CDH7: variants seen among roughly 807,000 people sequenced by gnomAD.
The protein encoded by CDH7 is cadherin 7.
A neutral mutation model predicts 71.8 loss-of-function variants in CDH7; 25 were observed. That is an observed-to-expected ratio of 0.35 (90% CI 0.25 to 0.49). The LOEUF is 0.49. CDH7 is among the 20% of genes least tolerant of loss of function. CDH7 has a pLI of 0.99. For missense variants in CDH7, 862 were observed against 974.6 expected, an observed-to-expected ratio of 0.88 and a Z score of 1.54; for synonymous variants, 381 against 363.8, an observed-to-expected ratio of 1.05 and a Z score of -0.54.
At chr18:65,768,392 A>C (rs1243323412) in intron 2 of CDH7, among the ~76,000 whole-genome samples, 1 of 151,812 alleles carries the variant, frequency 6.6e-6, no homozygotes, top group Non-Finnish European at 1.5e-5. Context: ...GTACCACCAT[A>C]CTTGGATGGT....
intron 11 of CDH7, chr18:65,865,336 A>G (rs1265840423): frequency 6.6e-6 from 1 of 152,150 alleles, no homozygotes; most frequent in Non-Finnish European, 1.5e-5. Context: ...GTCTGTGCAT[A>G]AAAGTTTGGG....
At chr18:65,797,363 T>C (rs2143872774) in intron 2 of CDH7, among the ~76,000 whole-genome samples, 1 of 152,328 alleles carries the variant, frequency 6.6e-6, no homozygotes, top group Non-Finnish European at 1.5e-5. Flanking sequence ...ATTACATTTC[T>C]TTATGAAAAT....
chr18:65,866,619 G>T (rs1030074007), intron 11 of CDH7, among the ~76,000 whole-genome samples: 1 of 152,138 alleles, frequency 6.6e-6, no homozygotes, highest in Non-Finnish European at 1.5e-5. Flanking sequence ...ATATGACGGG[G>T]TAAGATTCTA....
chr18:65,764,664 A>G (rs1916299987), intron 2 of CDH7, among the ~76,000 whole-genome samples: 1 of 152,094 alleles, frequency 6.6e-6, no homozygotes. Context: ...AGTAATGTAT[A>G]AAAGGAAGTA....
At chr18:65,864,225 C>G (rs979063375) in intron 11 of CDH7, 2 of 152,112 alleles carry the variant, frequency 1.3e-5, no homozygotes, top group Non-Finnish European at 2.9e-5. Flanking sequence ...AAAGGTAGAA[C>G]CACTGCAAAC....
intron 4 of CDH7, among the ~76,000 whole-genome samples, chr18:65,820,211 A>G (rs1451094809): frequency 6.6e-6 from 1 of 150,482 alleles, no homozygotes; most frequent in Non-Finnish European, 1.5e-5. Flanking sequence ...ATATAGCTAT[A>G]GAAAAATTAT....
chr18:65,834,111 A>G (rs1912449663), intron 6 of CDH7, among the ~76,000 whole-genome samples: 1 of 152,210 alleles, frequency 6.6e-6, no homozygotes, highest in Admixed American at 6.5e-5. Flanking sequence ...AGAGATATTT[A>G]AGAAATAGAT....
chr18:65,855,184 A>G (rs1913307941), intron 7 of CDH7, among the ~76,000 whole-genome samples: 1 of 152,110 alleles, frequency 6.6e-6, no homozygotes, highest in Admixed American at 6.6e-5. Flanking sequence ...TAATAATTAG[A>G]AAAACATTAG....
chr18:65,783,615 T>C (rs926301910), intron 2 of CDH7, among the ~76,000 whole-genome samples: 3 of 152,184 alleles, frequency 2.0e-5, no homozygotes, highest in African/African-American at 7.2e-5. Flanking sequence ...TCCAAAAATT[T>C]CCGTAGAATT....
chr18:65,767,271 G>A (rs1446989899), intron 2 of CDH7, among the ~76,000 whole-genome samples: 1 of 151,970 alleles, frequency 6.6e-6, no homozygotes, highest in Non-Finnish European at 1.5e-5. Context: ...TTATACCTCA[G>A]CAGTATCTCT....
intron 2 of CDH7, among the ~76,000 whole-genome samples, chr18:65,795,102 G>T (rs532770623): frequency 3.3e-5 from 5 of 152,232 alleles, no homozygotes; most frequent in South Asian, 2.1e-4. Context: ...AATTAGAATG[G>T]ATCGAGTGTG....
chr18:65,800,066 G>C (rs1348577263), intron 2 of CDH7, among the ~76,000 whole-genome samples: 1 of 152,052 alleles, frequency 6.6e-6, no homozygotes, highest in African/African-American at 2.4e-5. Flanking sequence ...AACAACTCTA[G>C]AAGACATTTT....
chr18:65,854,121 A>C (rs1384094166), intron 7 of CDH7, among the ~76,000 whole-genome samples: 1 of 151,236 alleles, frequency 6.6e-6, no homozygotes, highest in South Asian at 2.1e-4. Flanking sequence ...CCCTGGCAGC[A>C]ATAGTGAGAC....
chr18:65,863,314 A>G (rs112182812), intron 11 of CDH7: 3,880 of 207,914 alleles, frequency 0.019, 143 homozygotes, highest in African/African-American at 0.081. Context: ...CTGGGATTAC[A>G]GGAGTGAGCC....
rs1003371791 is a variant in CDH7, at chr18:65,881,011, C to T, written c.*117C>T. 39 of 979,558 alleles carry T rather than the reference C, an allele frequency of 4.0e-5. No homozygotes were observed. The Admixed American group carries it at 7.3e-4, about 18-fold the overall frequency. 60.7% of individuals were successfully genotyped at this position (979,558 alleles called of 1,614,324 possible). A position where few individuals can be genotyped will look rare whatever the true frequency, so the allele number is the denominator to read the frequency against. ...AAACAAGAACTCCCCTTGCTGGAGA[C>T]AGATGGTTGTAAATATTTCTCCATT... On this transcript the variant is annotated 3_prime_UTR_variant, in exon 12 of 12. Transcript: ENST00000397968.
At chr18:65,765,735 C>T (rs114354412) in intron 2 of CDH7, among the ~76,000 whole-genome samples, 247 of 152,174 alleles carry the variant, frequency 1.6e-3, no homozygotes, top group African/African-American at 5.6e-3. Flanking sequence ...TGTACCTTAA[C>T]TTGATCACAT....
chr18:65,869,946 A>C, intron 11 of CDH7, among the ~76,000 whole-genome samples: 1 of 152,098 alleles, frequency 6.6e-6, no homozygotes. Context: ...CCAAGACGCT[A>C]TATTTTTAGG....
At chr18:65,870,394 G>A (rs1196957164) in intron 11 of CDH7, among the ~76,000 whole-genome samples, 2 of 152,046 alleles carry the variant, frequency 1.3e-5, no homozygotes, top group African/African-American at 2.4e-5. Flanking sequence ...ATCCTTTTCT[G>A]ATCACAACCA....
At chr18:65,807,923 A>C (rs1405752009) in intron 2 of CDH7, among the ~76,000 whole-genome samples, 1 of 152,060 alleles carries the variant, frequency 6.6e-6, no homozygotes, top group African/African-American at 2.4e-5. Context: ...GCTCTTGAAG[A>C]CCCTAGCACA....
Sources: gnomAD v4.1 joint callset for allele counts (sites outside exome capture counted in the v4.1 genomes callset) on GRCh38, gnomAD v4.1.1 for gene constraint, MANE v1.5 for transcripts, NCBI Gene and HGNC (gene_info 2026-07-23, HGNC 2026-07-21) for gene names.